Variants in KIRREL3 observed in about 807,000 individuals in gnomAD.
KIRREL3 encodes the protein kin of IRRE-like protein 3.
Under a neutral mutation model 89.7 loss-of-function variants are expected in KIRREL3, and 36 were observed. That is an observed-to-expected ratio of 0.40 (90% CI 0.31 to 0.53). The LOEUF is 0.53. Ranked by LOEUF, KIRREL3 falls within the 20% of genes least tolerant of loss-of-function variation. The pLI is 0.49. For missense variants in KIRREL3, 864 were observed against 1,056.6 expected (o/e 0.82, Z 2.53); for synonymous variants, 445 against 441.4 (o/e 1.01, Z -0.10).
At chr11:126,673,822 G>A (rs930835282) in intron 1 of KIRREL3, among the ~76,000 whole-genome samples, 7 of 152,200 alleles carry the variant, frequency 4.6e-5, no homozygotes, top group Admixed American at 1.3e-4. Context: ...TCTAAACACC[G>A]GGATGGATGT....
At position 126,768,441 on chromosome 11, in the gene KIRREL3, T is replaced by C. The variant is rs1310921725; in HGVS notation, c.56-205529A>G. ...TCAGTCAGGCAGGCCAAGGATCTTA[T>C]GAACTTGGTTTATGAGATCCTTGGT... On this transcript the variant is annotated intron_variant, in intron 1 of 16. Transcript: ENST00000525144. The surrounding 1 kb of genome is among the most constrained non-coding windows in gnomAD (Gnocchi z 4.5). Among the ~76,000 whole-genome samples, 7 of 152,246 alleles carry C rather than the reference T, an allele frequency of 4.6e-5. No homozygotes were observed. Among genetic ancestry groups the C allele is most frequent in the Non-Finnish European group, 7.3e-5 (5 of 68,046 alleles).
chr11:126,930,104 TAAA>T (rs34362615), intron 1 of KIRREL3, among the ~76,000 whole-genome samples: 2 of 147,666 alleles, frequency 1.4e-5, no homozygotes, highest in Non-Finnish European at 3.0e-5. Flanking sequence ...TTTGTGTGCT[TAAA>T]AAAAAAAAAC....
chr11:126,612,460 A>G lies in KIRREL3; in HGVS notation c.56-49548T>C, dbSNP rs926987720. Among the ~76,000 whole-genome samples the G allele has an allele frequency of 6.6e-6, 1 of 152,190 alleles. No homozygotes were observed. The highest frequency in any genetic ancestry group is 2.4e-5 in the African/African-American group (1 of 41,462). On this transcript the variant is annotated intron_variant, in intron 1 of 16. Coordinates refer to ENST00000525144, the MANE Select transcript of KIRREL3 (RefSeq NM_032531.4). This position sits in a 1 kb window ranked among gnomAD's most constrained non-coding sequence, Gnocchi z 4.5. ...GGCTCTGCTACTAACTGTCTCATGAACTTGGAAGCTTTAGGGGTTAGTCTT... is the reference window on the plus strand; with the variant it reads ...GGCTCTGCTACTAACTGTCTCATGAGCTTGGAAGCTTTAGGGGTTAGTCTT...
chr11:126,792,293 G>A (rs1260153174), intron 1 of KIRREL3, among the ~76,000 whole-genome samples: 3 of 152,174 alleles, frequency 2.0e-5, no homozygotes, highest in Admixed American at 6.5e-5. Context: ...ATCATGAGTG[G>A]TGTTGGCAAC....
intron 1 of KIRREL3, among the ~76,000 whole-genome samples, chr11:126,929,956 C>T (rs997358737): frequency 1.3e-5 from 2 of 152,050 alleles, no homozygotes; most frequent in Admixed American, 6.5e-5. Context: ...CCACCCCCCC[C>T]CCCCCACCTC....
intron 1 of KIRREL3, among the ~76,000 whole-genome samples, chr11:126,604,136 G>C (rs1430870998): frequency 6.6e-6 from 1 of 152,066 alleles, no homozygotes; most frequent in African/African-American, 2.4e-5. Context: ...CCCGATGCTA[G>C]GCTGTGGAAA....
chr11:126,918,370 G>A lies in KIRREL3; in HGVS notation c.55+82085C>T, dbSNP rs1464525590. On this transcript the variant is annotated intron_variant, in intron 1 of 16. Coordinates refer to ENST00000525144, the MANE Select transcript of KIRREL3 (RefSeq NM_032531.4). This position sits in a 1 kb window ranked among gnomAD's most constrained non-coding sequence, Gnocchi z 6.5. ...CCCCTGCATTTATTTTGGCAATTTG[G>A]TGCCGAATATTTACGACAGTGCTTT... Among the ~76,000 whole-genome samples the A allele has an allele frequency of 6.6e-6, 1 of 152,152 alleles. No individual in the cohort carries two copies. The highest frequency in any genetic ancestry group is 1.5e-5 in the Non-Finnish European group (1 of 68,032).
intron 1 of KIRREL3, among the ~76,000 whole-genome samples, chr11:126,730,901 G>A (rs1948592466): frequency 6.6e-6 from 1 of 152,020 alleles, no homozygotes; most frequent in South Asian, 2.1e-4. Context: ...ACCACGCCTG[G>A]CTAATTTTTT....
chr11:126,763,746 C>T lies in KIRREL3; in HGVS notation c.56-200834G>A, dbSNP rs1177460049. Among the ~76,000 whole-genome samples the T allele has an allele frequency of 3.3e-5, 5 of 152,124 alleles. No homozygotes were observed. The highest frequency in any genetic ancestry group is 7.3e-5 in the Non-Finnish European group (5 of 68,034). On this transcript the variant is annotated intron_variant, in intron 1 of 16. Coordinates refer to ENST00000525144, the MANE Select transcript of KIRREL3 (RefSeq NM_032531.4). The surrounding 1 kb of genome is among the most constrained non-coding windows in gnomAD (Gnocchi z 4.7). ...TGTGAAATGGGGACAATAGAAACACCCCTCTCAAACGTAGGGAAAGCTTGT... is the reference window on the plus strand; with the variant it reads ...TGTGAAATGGGGACAATAGAAACACTCCTCTCAAACGTAGGGAAAGCTTGT...
rs998927142 is a variant in KIRREL3, at chr11:126,830,795, A to T, written c.55+169660T>A. ...GTGCCAAGGAGGGGTATCATTGTTT[A>T]TGTCACTAATGACTACATCCTGGGC... On this transcript the variant is annotated intron_variant, in intron 1 of 16. Transcript: ENST00000525144. The surrounding 1 kb of genome is among the most constrained non-coding windows in gnomAD (Gnocchi z 4.9). 3.9e-5 allele frequency among the ~76,000 whole-genome samples: 6 copies of T among 152,190 alleles called. No homozygotes were observed. In the East Asian group the frequency reaches 1.2e-3, roughly 29 times the overall value.
chr11:126,552,096 T>C (rs527513910), intron 2 of KIRREL3, among the ~76,000 whole-genome samples: 2 of 152,380 alleles, frequency 1.3e-5, no homozygotes, highest in Non-Finnish European at 1.5e-5. Flanking sequence ...TAATGTAGTA[T>C]TGGATTTCCT....
In KIRREL3 at chr11:126,544,413, G is replaced by A. The variant is rs1353889343; in HGVS notation, c.134-17726C>T. 6.6e-6 allele frequency among the ~76,000 whole-genome samples: 1 copy of A among 152,220 alleles called. No individual in the cohort carries two copies. The highest frequency in any genetic ancestry group is 1.5e-5 in the Non-Finnish European group (1 of 68,052). On this transcript the variant is annotated intron_variant, in intron 2 of 16. Transcript: ENST00000525144. The surrounding 1 kb of genome is among the most constrained non-coding windows in gnomAD (Gnocchi z 5.6). ...AATCAAACTTTATGAGTTTGGGTTT[G>A]GCAGGGAGGCAGCTGCTTGCAGCCA...
chr11:126,916,239 A>T (rs1947032752), intron 1 of KIRREL3, among the ~76,000 whole-genome samples: 1 of 152,178 alleles, frequency 6.6e-6, no homozygotes. Flanking sequence ...TAGGTTTCAG[A>T]TCACCTGAGT....
Position 126,463,818 on chromosome 11 carries a change from A to C in KIRREL3, c.592-511T>G, listed in dbSNP as rs1261962467. 6.6e-6 allele frequency among the ~76,000 whole-genome samples: 1 copy of C among 152,170 alleles called. No homozygotes were observed. Among genetic ancestry groups the C allele is most frequent in the African/African-American group, 2.4e-5 (1 of 41,446 alleles). The stretch of plus-strand genomic sequence containing the variant: ...GGGGATATGGGCAGAATCAGTGCAC[A>C]TCAACCTTTCGATTATTTGCCTATA... On this transcript the variant is annotated intron_variant, in intron 5 of 16. Coordinates refer to ENST00000525144, the MANE Select transcript of KIRREL3 (RefSeq NM_032531.4). This position sits in a 1 kb window ranked among gnomAD's most constrained non-coding sequence, Gnocchi z 5.9.
intron 1 of KIRREL3, among the ~76,000 whole-genome samples, chr11:126,774,757 C>A (rs1950121813): frequency 6.6e-6 from 1 of 152,156 alleles, no homozygotes; most frequent in Non-Finnish European, 1.5e-5. Flanking sequence ...CAGGGCAGGG[C>A]TCTCTTGGAG....
chr11:126,725,367 G>C (rs138117507), intron 1 of KIRREL3, among the ~76,000 whole-genome samples: 1 of 152,272 alleles, frequency 6.6e-6, no homozygotes, highest in African/African-American at 2.4e-5. Context: ...TCATTTCAGT[G>C]CCCTGTGCAT....
Position 126,594,968 on chromosome 11 carries a change from C to A in KIRREL3, c.56-32056G>T, listed in dbSNP as rs1197224791. ...TTGCAGCTGCCCTGGGCCCTCGGACCCTCAGGGGCCTTCTGGGTTGTGAGG... is the reference window on the plus strand; with the variant it reads ...TTGCAGCTGCCCTGGGCCCTCGGACACTCAGGGGCCTTCTGGGTTGTGAGG... On this transcript the variant is annotated intron_variant, in intron 1 of 16. Transcript: ENST00000525144. The surrounding 1 kb of genome is among the most constrained non-coding windows in gnomAD (Gnocchi z 5.0). 6.6e-6 allele frequency among the ~76,000 whole-genome samples: 1 copy of A among 152,210 alleles called. No homozygotes were observed. Among genetic ancestry groups the A allele is most frequent in the Non-Finnish European group, 1.5e-5 (1 of 68,036 alleles).
chr11:126,512,432 C>T (rs1229965181), intron 4 of KIRREL3, among the ~76,000 whole-genome samples: 1 of 152,194 alleles, frequency 6.6e-6, no homozygotes, highest in African/African-American at 2.4e-5. Flanking sequence ...GACTGAGGAT[C>T]CCAGTAGGGC....
chr11:126,858,541 T>C (rs1944609991), intron 1 of KIRREL3, among the ~76,000 whole-genome samples: 1 of 152,114 alleles, frequency 6.6e-6, no homozygotes, highest in Non-Finnish European at 1.5e-5. Context: ...TCTCTCTCTC[T>C]CTCTCCACAT....
Sources: allele counts gnomAD v4.1 joint callset (sites outside exome capture counted in the v4.1 genomes callset), GRCh38; gene constraint gnomAD v4.1.1; non-coding constraint Gnocchi (gnomAD v3.1); transcripts MANE v1.5; gene names NCBI Gene and HGNC (gene_info 2026-07-23, HGNC 2026-07-21).